Variants in EPHB1 observed in about 807,000 individuals in gnomAD.
EPHB1 encodes EPH receptor B1.
EPHB1 carries 30 observed loss-of-function variants against 94.4 expected under a neutral mutation model. That is an observed-to-expected ratio of 0.32 (90% CI 0.24 to 0.43). The LOEUF (loss-of-function observed/expected upper bound fraction) is 0.43, where lower values mean the gene tolerates loss of function less well. Among genes scored for constraint, EPHB1 ranks in the 20% least tolerant of loss-of-function variants. The pLI, the probability that EPHB1 is intolerant of heterozygous loss-of-function variation, is 1.00. For missense variants in EPHB1, 1,055 were observed against 1,308.3 expected (o/e 0.81, Z 2.99); for synonymous variants, 522 against 489.1 (o/e 1.07, Z -0.89).
At chr3:135,025,105 C>A (rs1275998455) in intron 3 of EPHB1, among the ~76,000 whole-genome samples, 2 of 100,658 alleles carry the variant, frequency 2.0e-5, no homozygotes, top group Admixed American at 1.4e-4. Context: ...TTCCTTCCCT[C>A]CCTCCCTCCC....
chr3:135,199,455 A>G (rs908511420), intron 11 of EPHB1, among the ~76,000 whole-genome samples: 1 of 152,246 alleles, frequency 6.6e-6, no homozygotes. Context: ...CAACGTGCTG[A>G]AAACCAGTCA....
At chr3:135,021,339 T>C (rs1341017613) in intron 3 of EPHB1, among the ~76,000 whole-genome samples, 2 of 152,216 alleles carry the variant, frequency 1.3e-5, no homozygotes, top group Non-Finnish European at 2.9e-5. Flanking sequence ...ATGTTTCATA[T>C]TGTCAAATCT....
At chr3:135,136,376 A>G (rs2107688716) in intron 5 of EPHB1, among the ~76,000 whole-genome samples, 1 of 152,298 alleles carries the variant, frequency 6.6e-6, no homozygotes, top group African/African-American at 2.4e-5. Context: ...ACCAGGTATC[A>G]CTTGGAGAGT....
intron 12 of EPHB1, among the ~76,000 whole-genome samples, chr3:135,203,694 A>T (rs1232864572): frequency 6.6e-6 from 1 of 152,226 alleles, no homozygotes; most frequent in Non-Finnish European, 1.5e-5. Context: ...ATTTTCAACA[A>T]TTAGGTGTGC....
At chr3:135,193,735 T>G (rs1942522681) in intron 11 of EPHB1, among the ~76,000 whole-genome samples, 1 of 152,208 alleles carries the variant, frequency 6.6e-6, no homozygotes, top group Admixed American at 6.5e-5. Context: ...ATTGAAACAT[T>G]GCTGGGATCA....
intron 5 of EPHB1, among the ~76,000 whole-genome samples, chr3:135,152,191 T>TCTAA (rs1941215640): frequency 1.3e-5 from 2 of 152,180 alleles, no homozygotes; most frequent in Admixed American, 1.3e-4. Context: ...TCAAGGAAGA[T>TCTAA]CTAACTAGTT....
chr3:135,106,018 G>C (rs1045708389), intron 3 of EPHB1, among the ~76,000 whole-genome samples: 1 of 152,106 alleles, frequency 6.6e-6, no homozygotes, highest in African/African-American at 2.4e-5. Flanking sequence ...TGAAAAACCT[G>C]GGACCCCTTT....
chr3:134,985,405 A>T (rs532397927), intron 3 of EPHB1, among the ~76,000 whole-genome samples: 2 of 152,192 alleles, frequency 1.3e-5, no homozygotes, highest in South Asian at 4.2e-4. Flanking sequence ...TGATCTGCCC[A>T]CCTCAGCCTC....
At chr3:134,973,116 G>C (rs1001331493) in intron 3 of EPHB1, among the ~76,000 whole-genome samples, 2 of 152,176 alleles carry the variant, frequency 1.3e-5, no homozygotes, top group Admixed American at 1.3e-4. Context: ...TACCTTTCTT[G>C]GGTGTGGGGA....
At chr3:135,250,019 C>T (rs1030252317) in intron 15 of EPHB1, among the ~76,000 whole-genome samples, 1 of 152,250 alleles carries the variant, frequency 6.6e-6, no homozygotes, top group South Asian at 2.1e-4. Flanking sequence ...AGACGAGAGC[C>T]AGAAAGAGTT....
chr3:135,034,888 A>G (rs1936598343), intron 3 of EPHB1, among the ~76,000 whole-genome samples: 1 of 152,226 alleles, frequency 6.6e-6, no homozygotes, highest in African/African-American at 2.4e-5. Flanking sequence ...TAGGACCTGA[A>G]TAGGATGCAC....
At chr3:135,048,860 C>T (rs1205427098) in intron 3 of EPHB1, among the ~76,000 whole-genome samples, 1 of 152,210 alleles carries the variant, frequency 6.6e-6, no homozygotes, top group Non-Finnish European at 1.5e-5. Context: ...AATGCCCAAC[C>T]AATAGTCAGT....
chr3:135,161,376 G>A (rs866392591), intron 6 of EPHB1, among the ~76,000 whole-genome samples: 6 of 152,148 alleles, frequency 3.9e-5, no homozygotes, highest in African/African-American at 7.2e-5. Context: ...GAATGCTGGC[G>A]GAAAGTAGCT....
intron 3 of EPHB1, among the ~76,000 whole-genome samples, chr3:135,000,294 G>A (rs1455173493): frequency 6.6e-6 from 1 of 152,166 alleles, no homozygotes; most frequent in Non-Finnish European, 1.5e-5. Context: ...TGTGTGTCAG[G>A]TGTTGACACC....
intron 3 of EPHB1, among the ~76,000 whole-genome samples, chr3:135,013,375 C>T (rs944796764): frequency 2.0e-5 from 3 of 152,168 alleles, no homozygotes; most frequent in Non-Finnish European, 2.9e-5. Context: ...TCATTGCCTG[C>T]CTGTCAGGGG....
rs749937780 is a variant in EPHB1, at chr3:135,201,662, C to T, written c.2319C>T (p.Thr773=). The change falls in exon 12 of 16, where the codon ACC becomes ACT. Residue 773 remains threonine, a synonymous_variant. Coordinates refer to ENST00000398015, the MANE Select transcript of EPHB1 (RefSeq NM_004441.5). ...FGLSRYLQDD[T]SDPTYTSSLG... is the part of the protein sequence containing the mutation. Reference sequence around the variant, plus strand: ...TCTCCCGCTACCTCCAGGATGACACCTCAGATCCCACCTACACCAGCTCCT... The same window carrying T: ...TCTCCCGCTACCTCCAGGATGACACTTCAGATCCCACCTACACCAGCTCCT... The T allele has an allele frequency of 1.2e-6, 2 of 1,613,822 alleles. No homozygotes were observed. The highest frequency in any genetic ancestry group is 1.3e-5 in the African/African-American group (1 of 74,842).
intron 1 of EPHB1, among the ~76,000 whole-genome samples, chr3:134,874,399 T>C (rs2037573077): frequency 6.6e-6 from 1 of 152,070 alleles, no homozygotes; most frequent in African/African-American, 2.4e-5. Context: ...ACTTAGAGGA[T>C]GGGTCAATAG....
intron 1 of EPHB1, among the ~76,000 whole-genome samples, chr3:134,818,101 G>A (rs2036303909): frequency 6.6e-6 from 1 of 152,206 alleles, no homozygotes; most frequent in African/African-American, 2.4e-5. Context: ...GAAGAGGGAA[G>A]GCATGTCCAG....
In EPHB1 at chr3:135,223,289, A is replaced by G. The variant is rs1943315360; in HGVS notation, c.2347-17859A>G. Among the ~76,000 whole-genome samples the G allele has an allele frequency of 2.0e-5, 3 of 152,212 alleles. No homozygotes were observed. The South Asian group carries it at 6.2e-4, about 32-fold the overall frequency. ...GGAATGGGCCAGGGCACTGCTGGGT[A>G]CTGGGGAAACCTTGCAGGGCTCCAG... On this transcript the variant is annotated intron_variant, in intron 12 of 15. Coordinates refer to ENST00000398015, the MANE Select transcript of EPHB1 (RefSeq NM_004441.5).
Sources: allele counts gnomAD v4.1 joint callset (sites outside exome capture counted in the v4.1 genomes callset), GRCh38; gene constraint gnomAD v4.1.1; transcripts MANE v1.5; gene names NCBI Gene and HGNC (gene_info 2026-07-23, HGNC 2026-07-21).